Variants in SCN7A observed in about 807,000 individuals in gnomAD.
SCN7A encodes the protein sodium voltage-gated channel alpha subunit 7.
Under a neutral mutation model 155.2 loss-of-function variants are expected in SCN7A, and 138 were observed. The observed-to-expected ratio is 0.89, with a 90% confidence interval of 0.77 to 1.02. The LOEUF is 1.02. Ranked by LOEUF, SCN7A falls within the 50% of genes least tolerant of loss-of-function variation. The pLI is 0.00. For missense variants in SCN7A, 2,058 were observed against 1,986.6 expected (o/e 1.04, Z -0.68); for synonymous variants, 693 against 649.0 (o/e 1.07, Z -1.03).
intron 1 of SCN7A, among the ~76,000 whole-genome samples, chr2:166,493,195 C>A (rs547284286): frequency 4.6e-5 from 7 of 152,158 alleles, no homozygotes; most frequent in Admixed American, 4.6e-4. Context: ...AGAAGCACCA[C>A]CCAAACTCTT....
intron 3 of SCN7A, among the ~76,000 whole-genome samples, chr2:166,475,121 C>CACAT (rs1226805861): frequency 1.3e-4 from 13 of 102,212 alleles, no homozygotes; most frequent in East Asian, 2.6e-4. Context: ...TATATATATA[C>CACAT]ATATATATAT....
intron 9 of SCN7A, among the ~76,000 whole-genome samples, chr2:166,463,738 C>T (rs1702463092): frequency 6.6e-6 from 1 of 152,050 alleles, no homozygotes; most frequent in Non-Finnish European, 1.5e-5. Context: ...GGGAGCCCAG[C>T]AGGAGCTGGG....
Position 166,474,343 on chromosome 2 carries a change from G to A in SCN7A, c.236C>T (p.Thr79Ile), listed in dbSNP as rs376569662. 1 of 1,396,950 alleles carries A rather than the reference G, an allele frequency of 7.2e-7. No homozygotes were observed. The highest frequency in any genetic ancestry group is 1.5e-5 in the African/African-American group (1 of 68,514). 86.5% of individuals were successfully genotyped at this position (1,396,950 alleles called of 1,614,324 possible). A position where few individuals can be genotyped will look rare whatever the true frequency, so the allele number is the denominator to read the frequency against. ...VDPYYYKKKN[T>I]FIVLNKNRTI... ...TCTATTTTTATTTAATACTATGAAA[G>A]TCTGTAAGAAGAAAAGCGATCAAGT... is the stretch of plus-strand genomic sequence containing the variant. Residue 79 changes from threonine to isoleucine, a missense_variant and splice_region_variant, in exon 4 of 26, where the codon ACT becomes ATT. Physicochemically the swap from Thr to Ile is moderately conservative, Grantham distance 89. Transcript: ENST00000643258.
intron 2 of SCN7A, among the ~76,000 whole-genome samples, chr2:166,482,916 C>T (rs375482420): frequency 7.9e-5 from 12 of 152,148 alleles, no homozygotes; most frequent in African/African-American, 1.2e-4. Flanking sequence ...CCACGCACTA[C>T]GCTTTCTGGT....
chr2:166,423,614 T>G (rs1378500926), intron 18 of SCN7A, among the ~76,000 whole-genome samples, 182 bp from the exon 19 acceptor site: 2 of 152,046 alleles, frequency 1.3e-5, no homozygotes, highest in Admixed American at 6.6e-5. Context: ...AGTATTATTA[T>G]TTGACCCCAT....
At position 166,405,464 on chromosome 2, in the gene SCN7A, A is replaced by T. The variant is rs915011489; in HGVS notation, c.*116T>A. The T allele has an allele frequency of 2.6e-6, 2 of 766,956 alleles. No individual in the cohort carries two copies. The highest frequency in any genetic ancestry group is 4.1e-6 in the Non-Finnish European group (2 of 482,400). 47.5% of individuals were successfully genotyped at this position (766,956 alleles called of 1,614,324 possible). On this transcript the variant is annotated 3_prime_UTR_variant, in exon 26 of 26. Transcript: ENST00000643258. ...CATGAAGTCTTGTGAATACAAGCTT[A>T]ATTACCATCGGTTGTAAAGAACTGA...
At chr2:166,460,064 A>G (rs941603779) in intron 10 of SCN7A, among the ~76,000 whole-genome samples, 1 of 152,212 alleles carries the variant, frequency 6.6e-6, no homozygotes, top group Non-Finnish European at 1.5e-5. Context: ...CCACCATGGC[A>G]CATATATACC....
In SCN7A at chr2:166,486,969, C is replaced by G. The variant is rs1303506785; in HGVS notation, c.-127-1G>C. On this transcript the variant is annotated splice_acceptor_variant, in intron 1 of 25. Transcript: ENST00000643258. LOFTEE classifies it low-confidence loss of function (5UTR_SPLICE). ...TGTTGGCATTCACATGGTGGAGGAC[C>G]TGTTGCAAAACAGTTCTAAAGCTTG... is the stretch of plus-strand genomic sequence containing the variant. 1 of 152,186 alleles carries G rather than the reference C, an allele frequency of 6.6e-6. No individual in the cohort carries two copies. The highest frequency in any genetic ancestry group is 1.5e-5 in the Non-Finnish European group (1 of 68,058). 9.4% of individuals were successfully genotyped at this position (152,186 alleles called of 1,614,324 possible).
intron 11 of SCN7A, among the ~76,000 whole-genome samples, chr2:166,453,418 T>C (rs1559112538): frequency 6.6e-6 from 1 of 152,236 alleles, no homozygotes; most frequent in East Asian, 1.9e-4. Context: ...CAATAGTTTG[T>C]ATAAAAGCTA....
At chr2:166,409,223 A>G (rs1701143606) in intron 25 of SCN7A, among the ~76,000 whole-genome samples, 1 of 152,038 alleles carries the variant, frequency 6.6e-6, no homozygotes, top group African/African-American at 2.4e-5. Context: ...AGAGAAAACA[A>G]GCAACAAATT....
intron 21 of SCN7A, 119 bp from the exon 22 acceptor site, chr2:166,413,240 G>T: frequency 2.1e-6 from 1 of 471,486 alleles, no homozygotes; most frequent in African/African-American, 2.0e-5. Flanking sequence ...CATATACTGT[G>T]TAATTGGGAT....
At chr2:166,414,001 A>ATATATATATATATATATATC in intron 21 of SCN7A, among the ~76,000 whole-genome samples, 1 of 95,352 alleles carries the variant, frequency 1.0e-5, no homozygotes, top group Non-Finnish European at 2.0e-5. Flanking sequence ...ATATATATAT[A>ATATATATATATATATATATC]TAAATATACT....
intron 14 of SCN7A, among the ~76,000 whole-genome samples, chr2:166,442,930 C>G (rs1701990350): frequency 6.6e-6 from 1 of 152,160 alleles, no homozygotes; most frequent in Admixed American, 6.6e-5. Flanking sequence ...CTTAATTGTT[C>G]TTAATTCCTG....
At chr2:166,420,157 A>C (rs1701481079) in intron 20 of SCN7A, among the ~76,000 whole-genome samples, 1 of 152,050 alleles carries the variant, frequency 6.6e-6, no homozygotes, top group South Asian at 2.1e-4. Context: ...AAAATCATTT[A>C]TATTTCTGTT....
intron 3 of SCN7A, among the ~76,000 whole-genome samples, chr2:166,475,122 A>ATATATATATATATATATG (rs1702765527): frequency 1.2e-4 from 11 of 93,836 alleles, no homozygotes; most frequent in Non-Finnish European, 2.2e-4. Flanking sequence ...ATATATATAC[A>ATATATATATATATATATG]TATATATATA....
intron 21 of SCN7A, among the ~76,000 whole-genome samples, chr2:166,414,241 T>C (rs1701295237): frequency 1.2e-5 from 1 of 85,718 alleles, no homozygotes; most frequent in Non-Finnish European, 2.3e-5. Flanking sequence ...TATCTATATA[T>C]GTAAATATAT....
At chr2:166,436,243 G>A (rs187238847) in intron 15 of SCN7A, 7 of 208,038 alleles carry the variant, frequency 3.4e-5, no homozygotes, top group Non-Finnish European at 5.2e-5. Context: ...GGAGGGAATC[G>A]GTGGGAGGTA....
At chr2:166,423,712 A>G (rs2105395048) in intron 18 of SCN7A, among the ~76,000 whole-genome samples, 1 of 152,210 alleles carries the variant, frequency 6.6e-6, no homozygotes, top group African/African-American at 2.4e-5. Flanking sequence ...TAGCGATCCA[A>G]AAATCCCCTC....
At chr2:166,431,151 A>G (rs1043982909) in intron 16 of SCN7A, among the ~76,000 whole-genome samples, 6 of 152,134 alleles carry the variant, frequency 3.9e-5, no homozygotes, top group African/African-American at 1.4e-4. Flanking sequence ...AATTTCACCC[A>G]GAAATGGATA....
Sources: gnomAD v4.1 joint callset for allele counts (sites outside exome capture counted in the v4.1 genomes callset) on GRCh38, gnomAD v4.1.1 for gene constraint, MANE v1.5 for transcripts, NCBI Gene and HGNC (gene_info 2026-07-23, HGNC 2026-07-21) for gene names.